PDXDC1: variants seen among roughly 807,000 people sequenced by gnomAD.
PDXDC1 encodes pyridoxal dependent decarboxylase domain containing 1.
Under a neutral mutation model 100.1 loss-of-function variants are expected in PDXDC1, and 42 were observed. That is an observed-to-expected ratio of 0.42 (90% CI 0.33 to 0.54). The LOEUF is 0.54. Ranked by LOEUF, PDXDC1 falls within the 20% of genes least tolerant of loss-of-function variation. The pLI, the probability that PDXDC1 is intolerant of heterozygous loss-of-function variation, is 0.10. For synonymous variants in PDXDC1, 260 were observed against 371.7 expected, an observed-to-expected ratio of 0.70 and a Z score of 3.46; for missense variants, 636 against 979.2, an observed-to-expected ratio of 0.65 and a Z score of 4.68.
At chr16:15,024,177 G>A (rs1020076185) in intron 13 of PDXDC1, among the ~76,000 whole-genome samples, 4 of 152,266 alleles carry the variant, frequency 2.6e-5, no homozygotes, top group Non-Finnish European at 4.4e-5. Flanking sequence ...TCCAATGGCT[G>A]TTTTTTCAGT....
intron 12 of PDXDC1, among the ~76,000 whole-genome samples, chr16:15,021,856 C>T (rs1250278468): frequency 2.0e-5 from 3 of 152,304 alleles, no homozygotes; most frequent in Non-Finnish European, 4.4e-5. Context: ...TCTCTTCTTT[C>T]TCGTCTTCAG....
intron 17 of PDXDC1, 192 bp from the exon 18 acceptor site, chr16:15,032,669 A>AAAAAAAAAAAAAAAAT: frequency 2.2e-6 from 1 of 448,484 alleles, no homozygotes; most frequent in Non-Finnish European, 3.9e-6. Context: ...AAAAAAAAAA[A>AAAAAAAAAAAAAAAAT]GGCTTTCCTG....
rs762617452 is a variant in PDXDC1 at position 15,044,335 on chromosome 16, A to G, written c.1399+14279A>G. The G allele has an allele frequency of 1.1e-5, 18 of 1,604,084 alleles. No homozygotes were observed. The South Asian group carries it at 1.8e-4, about 16-fold the overall frequency. On this transcript the variant is annotated intron_variant, in intron 16 of 16. Transcript: ENST00000535621. ...GAAAGAAAAAAAAAATGAACTTACT[A>G]AGAAGTTGATGAGTGAGTTTTTGTG... is the stretch of plus-strand genomic sequence containing the variant.
chr16:15,084,426 G>A (rs539152850), intron 16 of PDXDC1, among the ~76,000 whole-genome samples: 1 of 152,134 alleles, frequency 6.6e-6, no homozygotes, highest in East Asian at 1.9e-4. Flanking sequence ...AAAATTGGGG[G>A]AGGATCTGCA....
At chr16:15,075,163 T>C (rs74751035) in intron 16 of PDXDC1, among the ~76,000 whole-genome samples, 4,431 of 147,262 alleles carry the variant, frequency 0.03, 95 homozygotes, top group South Asian at 0.068. Context: ...GGCAGGAAAA[T>C]AGCTTGAACT....
chr16:14,995,715 G>A (rs1426142642), intron 1 of PDXDC1, among the ~76,000 whole-genome samples: 1 of 152,290 alleles, frequency 6.6e-6, no homozygotes, highest in African/African-American at 2.4e-5. Flanking sequence ...CAGAAGGAAT[G>A]GTACCAGCTC....
chr16:15,097,372 C>A (rs1011392601), intron 16 of PDXDC1, among the ~76,000 whole-genome samples: 6 of 150,790 alleles, frequency 4.0e-5, no homozygotes, highest in African/African-American at 1.5e-4. Flanking sequence ...TGCCTGTAAT[C>A]CCAGCACTTT....
chr16:15,131,097 C>T lies in PDXDC1; in HGVS notation c.1400-7782C>T, dbSNP rs549584081. ...ACCCGCTGCACGCACCGTCCAGCAG[C>T]GTATAGTTGAGCTGCAGATGCAGCA... On this transcript the variant is annotated intron_variant, in intron 16 of 16. Transcript: ENST00000535621. 2.0e-4 allele frequency: 322 copies of T among 1,607,208 alleles called. 1 individual carries two copies. The highest frequency in any genetic ancestry group is 6.9e-4 in the South Asian group (63 of 90,700).
intron 16 of PDXDC1, chr16:15,056,028 C>G: frequency 1.2e-6 from 1 of 834,414 alleles, no homozygotes. Flanking sequence ...GCTTTGCAGC[C>G]CCGGGCCGCC....
chr16:15,092,532 C>G lies in PDXDC1; in HGVS notation c.1400-46347C>G, dbSNP rs752258488. The G allele has an allele frequency of 8.1e-6, 13 of 1,612,792 alleles. No homozygotes were observed. The highest frequency in any genetic ancestry group is 2.7e-5 in the African/African-American group (2 of 75,012). Reference sequence around the variant, plus strand: ...ACCTTTTTGTACTTCAGCAAGACTTCTGTCACAGTTCCACCAAACCGAACA... The same window carrying G: ...ACCTTTTTGTACTTCAGCAAGACTTGTGTCACAGTTCCACCAAACCGAACA... On this transcript the variant is annotated intron_variant, in intron 16 of 16. Transcript: ENST00000535621.
chr16:15,122,136 C>A (rs1273279330), intron 16 of PDXDC1, among the ~76,000 whole-genome samples: 1 of 152,032 alleles, frequency 6.6e-6, no homozygotes, highest in South Asian at 2.1e-4. Flanking sequence ...TGCACTCCAG[C>A]CTGGGCGACA....
chr16:15,102,836 G>C, intron 16 of PDXDC1, among the ~76,000 whole-genome samples: 1 of 149,676 alleles, frequency 6.7e-6, no homozygotes, highest in African/African-American at 2.5e-5. Flanking sequence ...AGACTTGGGA[G>C]GTTGAGGTGG....
intron 16 of PDXDC1, chr16:15,110,645 C>G: frequency 6.4e-7 from 1 of 1,555,820 alleles, no homozygotes; most frequent in African/African-American, 1.3e-5. Context: ...GGTGAGAAAC[C>G]TGAGGGCAAG....
intron 1 of PDXDC1, among the ~76,000 whole-genome samples, chr16:14,992,671 C>A (rs1395870122): frequency 6.6e-6 from 1 of 152,182 alleles, no homozygotes; most frequent in East Asian, 1.9e-4. Flanking sequence ...CCTTGTAAGC[C>A]CTTGTGGGAG....
At chr16:15,006,366 G>C (rs748639017) in intron 5 of PDXDC1, 28 bp from the exon 6 acceptor site, 3 of 1,505,892 alleles carry the variant, frequency 2.0e-6, no homozygotes, top group South Asian at 2.6e-5. Flanking sequence ...CTAGAAATAA[G>C]AGCATATTAA....
intron 16 of PDXDC1, chr16:15,125,357 G>A (rs370481106): frequency 1.4e-6 from 1 of 724,128 alleles, no homozygotes; most frequent in Non-Finnish European, 2.4e-6. Context: ...AAGGTACCAG[G>A]GGATGTGTCA....
In PDXDC1 at chr16:15,038,318, T is replaced by C. The variant is rs1320987905; in HGVS notation, c.*2043T>C. 1 of 814,156 alleles carries C rather than the reference T, an allele frequency of 1.2e-6. No individual in the cohort carries two copies. Among genetic ancestry groups the C allele is most frequent in the Admixed American group, 3.0e-5 (1 of 33,338 alleles). 50.4% of individuals were successfully genotyped at this position (814,156 alleles called of 1,614,324 possible). ...TTGGACACAAATATATATAATAAAA[T>C]ACGTTAAGAAATGAGGTGGCCTGAA... On this transcript the variant is annotated 3_prime_UTR_variant, in exon 23 of 23. Coordinates refer to ENST00000396410, the MANE Select transcript of PDXDC1 (RefSeq NM_015027.4).
At chr16:15,128,208 G>T (rs549365398) in intron 16 of PDXDC1, 1 of 1,611,092 alleles carries the variant, frequency 6.2e-7, no homozygotes, top group East Asian at 2.2e-5. Flanking sequence ...GAGCTTGGCA[G>T]GGTCCGCACA....
At chr16:15,140,466 A>G (rs1409905949), downstream of PDXDC1, among the ~76,000 whole-genome samples, 3 of 151,328 alleles carry the variant, frequency 2.0e-5, no homozygotes, top group South Asian at 2.1e-4. Flanking sequence ...AAAAAAAAAA[A>G]AGAAAAAGGA....
Sources: gnomAD v4.1 joint callset for allele counts (sites outside exome capture counted in the v4.1 genomes callset) on GRCh38, gnomAD v4.1.1 for gene constraint, MANE v1.5 for transcripts, NCBI Gene and HGNC (gene_info 2026-07-23, HGNC 2026-07-21) for gene names.